ADAMTS9: variants seen among roughly 807,000 people sequenced by gnomAD.
ADAMTS9 encodes the protein ADAM metallopeptidase with thrombospondin type 1 motif 9, also known as A disintegrin and metalloproteinase with thrombospondin motifs 9.
ADAMTS9 carries 107 observed loss-of-function variants against 257.1 expected under a neutral mutation model. That is an observed-to-expected ratio of 0.42 (90% CI 0.36 to 0.49). ADAMTS9 has a LOEUF of 0.49. ADAMTS9 is among the 20% of genes least tolerant of loss of function. The pLI, the probability that ADAMTS9 is intolerant of heterozygous loss-of-function variation, is 0.03. For missense variants in ADAMTS9, 2,353 were observed against 2,469.1 expected, an observed-to-expected ratio of 0.95 and a Z score of 1.00; for synonymous variants, 982 against 880.9, an observed-to-expected ratio of 1.11 and a Z score of -2.03.
At chr3:64,572,378 G>A (rs1167235458) in intron 28 of ADAMTS9, among the ~76,000 whole-genome samples, 1 of 152,294 alleles carries the variant, frequency 6.6e-6, no homozygotes, top group Non-Finnish European at 1.5e-5. Context: ...GACATGGGCC[G>A]TCTGTTCTTA....
chr3:64,544,929 C>T (rs1341613961), intron 32 of ADAMTS9, among the ~76,000 whole-genome samples: 1 of 152,018 alleles, frequency 6.6e-6, no homozygotes, highest in African/African-American at 2.4e-5. Context: ...AAAAAATCAA[C>T]CCCATCAACA....
intron 26 of ADAMTS9, among the ~76,000 whole-genome samples, chr3:64,601,662 T>C (rs2084463758): frequency 1.3e-5 from 2 of 152,114 alleles, no homozygotes. Context: ...GGATGAATCC[T>C]GATGGTATTT....
chr3:64,532,541 C>A (rs2082995625), intron 38 of ADAMTS9, among the ~76,000 whole-genome samples: 1 of 152,048 alleles, frequency 6.6e-6, no homozygotes, highest in African/African-American at 2.4e-5. Context: ...TGTACTGTGC[C>A]CATCACCACC....
At chr3:64,633,910 C>T (rs1360117449) in intron 12 of ADAMTS9, 31 bp from the exon 13 acceptor site, 2 of 1,573,768 alleles carry the variant, frequency 1.3e-6, no homozygotes, top group South Asian at 1.2e-5. Context: ...AGAGCACACA[C>T]ACTGTATTAT....
At chr3:64,541,780 G>A in intron 33 of ADAMTS9, 58 bp downstream of exon 33, 1 of 1,601,500 alleles carries the variant, frequency 6.2e-7, no homozygotes, top group Non-Finnish European at 8.5e-7. Flanking sequence ...GCAATCAAAT[G>A]AACAAAGACA....
At chr3:64,628,136 C>T (rs998405812) in intron 16 of ADAMTS9, among the ~76,000 whole-genome samples, 1 of 152,170 alleles carries the variant, frequency 6.6e-6, no homozygotes, top group Non-Finnish European at 1.5e-5. Flanking sequence ...CTTTCCCATT[C>T]TATTCCGTTA....
At chr3:64,625,187 A>AG (rs1405064773) in intron 16 of ADAMTS9, among the ~76,000 whole-genome samples, 1 of 152,232 alleles carries the variant, frequency 6.6e-6, no homozygotes, top group East Asian at 1.9e-4. Flanking sequence ...CAGCCGCCCA[A>AG]GAAACCATGC....
chr3:64,629,837 T>C (rs535374673), intron 16 of ADAMTS9, among the ~76,000 whole-genome samples: 2 of 152,350 alleles, frequency 1.3e-5, no homozygotes, highest in African/African-American at 2.4e-5. Context: ...AATGGAGTCA[T>C]GTATAAATAT....
chr3:64,535,141 G>T (rs1248202076), intron 37 of ADAMTS9, among the ~76,000 whole-genome samples: 1 of 152,170 alleles, frequency 6.6e-6, no homozygotes, highest in Non-Finnish European at 1.5e-5. Flanking sequence ...ACTTTGGGAG[G>T]CTGAGGCAGG....
chr3:64,657,591 G>T lies in ADAMTS9; in HGVS notation c.969+911C>A, dbSNP rs185178819. 2.9e-3 allele frequency among the ~76,000 whole-genome samples: 436 copies of T among 151,958 alleles called. 1 individual carries two copies. The highest frequency in any genetic ancestry group is 4.8e-3 in the Non-Finnish European group (323 of 67,984). The stretch of plus-strand genomic sequence containing the variant: ...CTGGGCCTCAGATTATCCCACCTCA[G>T]CCTCCTAAAGTGTTGGGATTACAGG... On this transcript the variant is annotated intron_variant, in intron 4 of 39. Transcript: ENST00000498707.
chr3:64,589,081 T>C (rs1191016177), intron 28 of ADAMTS9: 2 of 152,244 alleles, frequency 1.3e-5, no homozygotes, highest in East Asian at 1.9e-4. Context: ...AAAATACATA[T>C]GCATTTAATG....
At chr3:64,626,997 G>C (rs1326610556) in intron 16 of ADAMTS9, among the ~76,000 whole-genome samples, 1 of 152,122 alleles carries the variant, frequency 6.6e-6, no homozygotes, top group Non-Finnish European at 1.5e-5. Context: ...CCCTAATGCG[G>C]GTCATTCAAA....
chr3:64,564,712 T>G (rs1418100202), intron 29 of ADAMTS9, among the ~76,000 whole-genome samples: 1 of 151,930 alleles, frequency 6.6e-6, no homozygotes, highest in African/African-American at 2.4e-5. Context: ...CCCCCCAACT[T>G]GTGACAAAAC....
intron 22 of ADAMTS9, among the ~76,000 whole-genome samples, chr3:64,609,944 G>A (rs926298745): frequency 3.3e-5 from 5 of 152,164 alleles, no homozygotes; most frequent in Non-Finnish European, 7.4e-5. Flanking sequence ...ATAAAATCTA[G>A]AGTCCAGAAA....
At chr3:64,618,676 A>G (rs1700026908) in intron 19 of ADAMTS9, among the ~76,000 whole-genome samples, 1 of 152,190 alleles carries the variant, frequency 6.6e-6, no homozygotes, top group African/African-American at 2.4e-5. Flanking sequence ...TTTCACACAT[A>G]TGGCAGACAT....
At chr3:64,680,660 G>A (rs1015300623) in intron 3 of ADAMTS9, among the ~76,000 whole-genome samples, 2 of 152,154 alleles carry the variant, frequency 1.3e-5, no homozygotes, top group African/African-American at 2.4e-5. Context: ...ACAGCATAAC[G>A]TACAGGTACC....
At chr3:64,543,636 A>G (rs914201133) in intron 32 of ADAMTS9, among the ~76,000 whole-genome samples, 1 of 152,164 alleles carries the variant, frequency 6.6e-6, no homozygotes, top group Non-Finnish European at 1.5e-5. Flanking sequence ...TAAGAGCTAT[A>G]TATGACAAAC....
chr3:64,530,989 A>T (rs1475514149), intron 38 of ADAMTS9, among the ~76,000 whole-genome samples: 1 of 152,154 alleles, frequency 6.6e-6, no homozygotes, highest in African/African-American at 2.4e-5. Flanking sequence ...AGAACATTAT[A>T]ATTTCGGGGC....
chr3:64,542,575 G>A (rs1268319320), intron 32 of ADAMTS9, among the ~76,000 whole-genome samples: 5 of 151,836 alleles, frequency 3.3e-5, no homozygotes, highest in Admixed American at 1.3e-4. Flanking sequence ...CTACAGGCAC[G>A]CACCACCTCG....
Sources: gnomAD v4.1 joint callset for allele counts (sites outside exome capture counted in the v4.1 genomes callset) on GRCh38, gnomAD v4.1.1 for gene constraint, MANE v1.5 for transcripts, NCBI Gene and HGNC (gene_info 2026-07-23, HGNC 2026-07-21) for gene names.